Variants in MGMT observed in about 807,000 individuals in gnomAD.
MGMT encodes the protein methylated-DNA--protein-cysteine methyltransferase.
MGMT carries 14 observed loss-of-function variants against 15.9 expected under a neutral mutation model. The observed-to-expected ratio is 0.88, with a 90% CI of 0.58 to 1.37. The LOEUF is 1.37. Among genes scored for constraint, MGMT ranks in the 40% most tolerant of loss-of-function variants. The probability of loss-of-function intolerance (pLI) is 0.00; values close to 1 mark genes in which losing one functional copy is unlikely to be tolerated. For missense variants in MGMT, 282 were observed against 268.1 expected, an observed-to-expected ratio of 1.05 and a Z score of -0.36; for synonymous variants, 130 against 118.2, an observed-to-expected ratio of 1.10 and a Z score of -0.65.
At chr10:129,501,641 G>T (rs1845575592) in intron 1 of MGMT, among the ~76,000 whole-genome samples, 1 of 152,182 alleles carries the variant, frequency 6.6e-6, no homozygotes, top group East Asian at 1.9e-4. Flanking sequence ...ATAAGCAACT[G>T]TGGGTTTTCT....
intron 3 of MGMT, among the ~76,000 whole-genome samples, chr10:129,723,838 T>TC (rs1848402488): frequency 1.3e-5 from 2 of 152,306 alleles, no homozygotes; most frequent in South Asian, 4.1e-4. Flanking sequence ...GTGAAAGACA[T>TC]CTGCATATAT....
intron 3 of MGMT, among the ~76,000 whole-genome samples, chr10:129,725,818 C>T (rs542528070): frequency 6.6e-6 from 1 of 152,338 alleles, no homozygotes; most frequent in East Asian, 1.9e-4. Flanking sequence ...GCTCCACGGT[C>T]CTCCATGTAA....
At chr10:129,711,084 C>T (rs910838114) in intron 3 of MGMT, among the ~76,000 whole-genome samples, 4 of 152,232 alleles carry the variant, frequency 2.6e-5, no homozygotes, top group Admixed American at 6.5e-5. Context: ...CTTCTGACTG[C>T]GCAGTACCAA....
At chr10:129,685,936 AT>A (rs1459587378) in intron 2 of MGMT, among the ~76,000 whole-genome samples, 2 of 152,232 alleles carry the variant, frequency 1.3e-5, no homozygotes, top group Non-Finnish European at 2.9e-5. Flanking sequence ...AGTTTTGAGG[AT>A]TGGCCAATAA....
intron 2 of MGMT, among the ~76,000 whole-genome samples, chr10:129,561,111 C>G (rs1259310207): frequency 4.9e-4 from 75 of 152,164 alleles, no homozygotes; most frequent in Admixed American, 4.8e-3. Context: ...CCTCTACCTG[C>G]AGTTGGTGCC....
intron 2 of MGMT, among the ~76,000 whole-genome samples, chr10:129,705,621 A>T (rs1228509430): frequency 6.6e-6 from 1 of 152,358 alleles, no homozygotes; most frequent in East Asian, 1.9e-4. Context: ...GCGAGAACTA[A>T]TCGCTCCAGA....
At chr10:129,697,510 G>A (rs1848045936) in intron 2 of MGMT, among the ~76,000 whole-genome samples, 1 of 152,164 alleles carries the variant, frequency 6.6e-6, no homozygotes, top group African/African-American at 2.4e-5. Context: ...TTTAGAAATA[G>A]AGATAATGGT....
At chr10:129,692,583 C>A (rs1249626920) in intron 2 of MGMT, among the ~76,000 whole-genome samples, 1 of 152,148 alleles carries the variant, frequency 6.6e-6, no homozygotes, top group Non-Finnish European at 1.5e-5. Context: ...CAGATATGAG[C>A]CAAGTGGTGA....
intron 3 of MGMT, among the ~76,000 whole-genome samples, chr10:129,750,154 A>G (rs1468927733): frequency 1.3e-5 from 2 of 152,018 alleles, no homozygotes; most frequent in East Asian, 3.8e-4. Flanking sequence ...TTCTTTCATG[A>G]ATCATGTTGT....
chr10:129,541,840 G>A (rs986383994), intron 2 of MGMT, among the ~76,000 whole-genome samples: 2 of 152,278 alleles, frequency 1.3e-5, no homozygotes, highest in Admixed American at 1.3e-4. Context: ...TCATGGTAGG[G>A]ATCCATTTAC....
chr10:129,550,937 A>G (rs949292287), intron 2 of MGMT, among the ~76,000 whole-genome samples: 15 of 152,184 alleles, frequency 9.9e-5, no homozygotes, highest in Admixed American at 2.0e-4. Context: ...ACCCTCTGCC[A>G]ACGTTGGTAG....
At chr10:129,537,902 A>G (rs915778668) in intron 2 of MGMT, among the ~76,000 whole-genome samples, 1 of 152,156 alleles carries the variant, frequency 6.6e-6, no homozygotes, top group Non-Finnish European at 1.5e-5. Flanking sequence ...GGGTCTCCAG[A>G]TGGTGGTCCC....
At chr10:129,528,549 A>G (rs1292406708) in intron 1 of MGMT, among the ~76,000 whole-genome samples, 1 of 151,736 alleles carries the variant, frequency 6.6e-6, no homozygotes. Flanking sequence ...CGATGGGGTC[A>G]TGGGGGACTG....
intron 2 of MGMT, among the ~76,000 whole-genome samples, chr10:129,538,973 G>A (rs575302641): frequency 3.9e-5 from 6 of 152,104 alleles, no homozygotes; most frequent in Non-Finnish European, 8.8e-5. Flanking sequence ...TCTTGTTTGT[G>A]TTTTTGTTGA....
chr10:129,737,051 C>T (rs1359061332), intron 3 of MGMT, among the ~76,000 whole-genome samples: 1 of 152,006 alleles, frequency 6.6e-6, no homozygotes, highest in Non-Finnish European at 1.5e-5. Context: ...AGTTGCTCTT[C>T]TCGAGGAGTA....
At chr10:129,632,227 G>A (rs903201211) in intron 2 of MGMT, among the ~76,000 whole-genome samples, 1 of 152,214 alleles carries the variant, frequency 6.6e-6, no homozygotes, top group Admixed American at 6.5e-5. Flanking sequence ...TTAACACCCT[G>A]TGATTGGTTA....
chr10:129,672,900 A>C (rs1847740772), intron 2 of MGMT, among the ~76,000 whole-genome samples: 1 of 152,178 alleles, frequency 6.6e-6, no homozygotes. Context: ...CAGTGTGTAG[A>C]AATGACGTAT....
At chr10:129,646,843 G>A (rs1368022286) in intron 2 of MGMT, among the ~76,000 whole-genome samples, 4 of 149,746 alleles carry the variant, frequency 2.7e-5, no homozygotes, top group Non-Finnish European at 4.4e-5. Flanking sequence ...AGGTGAGAGC[G>A]GCGGCTTTCC....
intron 2 of MGMT, among the ~76,000 whole-genome samples, chr10:129,660,638 C>T (rs985621060): frequency 6.6e-6 from 1 of 152,172 alleles, no homozygotes; most frequent in African/African-American, 2.4e-5. Context: ...CCATCTTTCT[C>T]TCCTGCCTCT....
Sources: allele counts gnomAD v4.1 joint callset (sites outside exome capture counted in the v4.1 genomes callset), GRCh38; gene constraint gnomAD v4.1.1; transcripts MANE v1.5; gene names NCBI Gene and HGNC (gene_info 2026-07-23, HGNC 2026-07-21).